Variants in EEF2K observed in about 807,000 individuals in gnomAD.
EEF2K encodes alternative protein EEF2K.
A neutral mutation model predicts 93.8 loss-of-function variants in EEF2K; 70 were observed. That is an observed-to-expected ratio of 0.75 (90% CI 0.62 to 0.91). The LOEUF is 0.91. EEF2K is among the 40% of genes least tolerant of loss of function. The probability of loss-of-function intolerance (pLI) is 0.00; values close to 1 mark genes in which losing one functional copy is unlikely to be tolerated. For missense variants in EEF2K, 935 were observed against 972.9 expected (o/e 0.96, Z 0.52); for synonymous variants, 376 against 380.8 (o/e 0.99, Z 0.15).
At chr16:22,222,503 C>A (rs2047023845) in intron 1 of EEF2K, among the ~76,000 whole-genome samples, 1 of 151,492 alleles carries the variant, frequency 6.6e-6, no homozygotes, top group South Asian at 2.1e-4. Flanking sequence ...ACCACCACAT[C>A]CGACTTTCTT....
At chr16:22,226,433 GTTTA>G (rs1437296158) in intron 2 of EEF2K, among the ~76,000 whole-genome samples, 1 of 139,700 alleles carries the variant, frequency 7.2e-6, no homozygotes, top group African/African-American at 2.7e-5. Context: ...TTGTAAAAAC[GTTTA>G]TTTATTTATG....
chr16:22,242,330 C>CT (rs1183617140), intron 2 of EEF2K, among the ~76,000 whole-genome samples: 20 of 151,518 alleles, frequency 1.3e-4, no homozygotes, highest in Admixed American at 2.0e-4. Context: ...AAGCTGGACT[C>CT]TTTTTTTTGG....
At chr16:22,232,195 A>G (rs1346645277) in intron 2 of EEF2K, among the ~76,000 whole-genome samples, 2 of 151,950 alleles carry the variant, frequency 1.3e-5, no homozygotes, top group Non-Finnish European at 2.9e-5. Context: ...TCAAAATTAC[A>G]GTTCTGCCTC....
At chr16:22,226,325 C>CTGTTT (rs2047062900) in intron 2 of EEF2K, among the ~76,000 whole-genome samples, 3 of 63,660 alleles carry the variant, frequency 4.7e-5, no homozygotes, top group Admixed American at 3.7e-4. Context: ...AGGTGCTGTT[C>CTGTTT]TTTTTTTTTT....
At chr16:22,241,117 T>A (rs941762707) in intron 2 of EEF2K, among the ~76,000 whole-genome samples, 6 of 151,952 alleles carry the variant, frequency 3.9e-5, no homozygotes, top group Admixed American at 6.6e-5. Flanking sequence ...TAGGAAAAAA[T>A]TTTGCAGAAT....
chr16:22,242,923 T>G (rs896086427), intron 2 of EEF2K, among the ~76,000 whole-genome samples: 1 of 151,874 alleles, frequency 6.6e-6, no homozygotes, highest in Non-Finnish European at 1.5e-5. Context: ...ACCCTGTCCC[T>G]ACAGAAAATT....
chr16:22,256,280 A>G (rs1451645633), intron 6 of EEF2K, among the ~76,000 whole-genome samples: 1 of 151,996 alleles, frequency 6.6e-6, no homozygotes, highest in Non-Finnish European at 1.5e-5. Flanking sequence ...TATTTTTGGT[A>G]GAGACAGGGT....
At chr16:22,216,516 C>T (rs1355083140) in intron 1 of EEF2K, among the ~76,000 whole-genome samples, 1 of 152,208 alleles carries the variant, frequency 6.6e-6, no homozygotes, top group Non-Finnish European at 1.5e-5. Context: ...CCACACTCTC[C>T]CTTCTCTGAA....
At chr16:22,215,548 T>C (rs2046950586) in intron 1 of EEF2K, among the ~76,000 whole-genome samples, 1 of 152,216 alleles carries the variant, frequency 6.6e-6, no homozygotes, top group African/African-American at 2.4e-5. Context: ...CATTATATGC[T>C]AGGGGTGCAG....
intron 13 of EEF2K, among the ~76,000 whole-genome samples, chr16:22,266,102 G>T (rs577752874): frequency 2.0e-5 from 3 of 151,980 alleles, no homozygotes; most frequent in Non-Finnish European, 2.9e-5. Context: ...TGCACCTGTC[G>T]TCCCAGCTAC....
rs149893361 is a variant in EEF2K at position 22,233,417 on chromosome 16, G to A, written c.246+7442G>A. Among the ~76,000 whole-genome samples, 576 of 152,044 alleles carry A rather than the reference G, an allele frequency of 3.8e-3. 3 individuals carry two copies. Among genetic ancestry groups the A allele is most frequent in the Middle Eastern group, 0.014 (4 of 294 alleles). The stretch of plus-strand genomic sequence containing the variant: ...TTTTCAGCCAGGTGCACTGGCTCAT[G>A]TCTGTAATCCTAGGACTTTTGGCGG... On this transcript the variant is annotated intron_variant, in intron 2 of 17. Coordinates refer to ENST00000263026, the MANE Select transcript of EEF2K (RefSeq NM_013302.5).
At chr16:22,252,738 T>A (rs1359694839) in intron 6 of EEF2K, among the ~76,000 whole-genome samples, 1 of 152,152 alleles carries the variant, frequency 6.6e-6, no homozygotes, top group Non-Finnish European at 1.5e-5. Flanking sequence ...AAAAAGAGGT[T>A]TAATGGACAG....
At chr16:22,264,671 C>T (rs1447305709) in intron 12 of EEF2K, 147 bp from the exon 13 acceptor site, 1 of 705,952 alleles carries the variant, frequency 1.4e-6, no homozygotes, top group East Asian at 3.0e-5. Context: ...CCAGTGTCAC[C>T]TGGGAACATA....
Sources: allele counts gnomAD v4.1 joint callset (sites outside exome capture counted in the v4.1 genomes callset), GRCh38; gene constraint gnomAD v4.1.1; transcripts MANE v1.5; gene names NCBI Gene and HGNC (gene_info 2026-07-23, HGNC 2026-07-21).